Variants in PACRG observed in about 807,000 individuals in gnomAD.
PACRG encodes the protein parkin coregulated.
A neutral mutation model predicts 29.7 loss-of-function variants in PACRG; 29 were observed. The observed-to-expected ratio is 0.98, with a 90% CI of 0.73 to 1.33. PACRG has a LOEUF of 1.33. Ranked by LOEUF, PACRG falls within the 40% of genes most tolerant of loss-of-function variation. PACRG has a pLI of 0.00. For synonymous variants in PACRG, 116 were observed against 118.7 expected, an observed-to-expected ratio of 0.98 and a Z score of 0.15; for missense variants, 279 against 316.2, an observed-to-expected ratio of 0.88 and a Z score of 0.89.
At chr6:162,968,417 T>C (rs144832235) in intron 2 of PACRG, among the ~76,000 whole-genome samples, 2 of 152,338 alleles carry the variant, frequency 1.3e-5, no homozygotes, top group African/African-American at 4.8e-5. Flanking sequence ...ACTGAAATAT[T>C]GTGAGAGTTA....
intron 2 of PACRG, among the ~76,000 whole-genome samples, chr6:162,947,033 A>C (rs1799063092): frequency 6.6e-6 from 1 of 151,866 alleles, no homozygotes; most frequent in Non-Finnish European, 1.5e-5. Context: ...CTAAATGGGC[A>C]AAAGCTGGAA....
At chr6:162,734,732 C>T (rs541012765) in intron 1 of PACRG, among the ~76,000 whole-genome samples, 50 of 152,236 alleles carry the variant, frequency 3.3e-4, no homozygotes, top group African/African-American at 1.0e-3. Flanking sequence ...AAGGATAGAG[C>T]AAGGACTGGA....
chr6:163,298,649 T>C (rs1161210654), intron 4 of PACRG, among the ~76,000 whole-genome samples: 1 of 152,232 alleles, frequency 6.6e-6, no homozygotes, highest in Non-Finnish European at 1.5e-5. Context: ...TTAATGTCTC[T>C]AGCCAAAGAA....
At chr6:162,903,695 G>T (rs9295205) in intron 2 of PACRG, among the ~76,000 whole-genome samples, 3 of 152,000 alleles carry the variant, frequency 2.0e-5, no homozygotes, top group Non-Finnish European at 2.9e-5. Flanking sequence ...TGAGATTCGG[G>T]TGGAGACACA....
chr6:163,217,720 C>T (rs1026312750), intron 4 of PACRG, among the ~76,000 whole-genome samples: 2 of 152,084 alleles, frequency 1.3e-5, no homozygotes, highest in African/African-American at 4.8e-5. Context: ...ATTGGATTCT[C>T]ACAGGAGTGT....
intron 2 of PACRG, among the ~76,000 whole-genome samples, chr6:162,895,580 CA>C (rs1795108045): frequency 6.6e-6 from 1 of 152,216 alleles, no homozygotes; most frequent in South Asian, 2.1e-4. Context: ...CCGATCTTGA[CA>C]GTAATGCCTA....
intron 1 of PACRG, among the ~76,000 whole-genome samples, chr6:162,735,724 T>C (rs147031574): frequency 1.7e-4 from 26 of 152,312 alleles, no homozygotes; most frequent in Middle Eastern, 6.8e-3. Flanking sequence ...ATAATGGCTT[T>C]TATTGCTCTT....
At chr6:163,007,260 T>C (rs766552255) in intron 2 of PACRG, among the ~76,000 whole-genome samples, 3 of 152,200 alleles carry the variant, frequency 2.0e-5, no homozygotes, top group Non-Finnish European at 4.4e-5. Flanking sequence ...TTATAGATCC[T>C]ACAATACATT....
intron 1 of PACRG, among the ~76,000 whole-genome samples, chr6:162,734,918 A>C (rs1780048524): frequency 5.3e-5 from 8 of 152,272 alleles, no homozygotes; most frequent in Admixed American, 5.2e-4. Flanking sequence ...CCACATGCTA[A>C]CCTTCTTCTG....
chr6:163,175,967 A>G (rs561218506), intron 4 of PACRG, among the ~76,000 whole-genome samples: 1 of 152,346 alleles, frequency 6.6e-6, no homozygotes, highest in South Asian at 2.1e-4. Context: ...TCTCTGGTGC[A>G]TAGCCCAGGT....
intron 4 of PACRG, among the ~76,000 whole-genome samples, chr6:163,213,043 G>T (rs1236227154): frequency 8.5e-5 from 13 of 152,206 alleles, no homozygotes; most frequent in African/African-American, 3.1e-4. Flanking sequence ...CTCCCAAAGT[G>T]CTGGGATTAC....
chr6:163,136,675 A>C (rs1585255491), intron 4 of PACRG, among the ~76,000 whole-genome samples: 1 of 152,158 alleles, frequency 6.6e-6, no homozygotes, highest in Non-Finnish European at 1.5e-5. Context: ...TCTTAAATTT[A>C]TTCATAGTTA....
intron 1 of PACRG, among the ~76,000 whole-genome samples, chr6:162,742,766 T>C (rs1275053147): frequency 6.6e-6 from 1 of 152,140 alleles, no homozygotes; most frequent in Non-Finnish European, 1.5e-5. Context: ...TTTCCATACC[T>C]TGGCTCTTGT....
chr6:162,731,831 G>A (rs1315397015), intron 1 of PACRG, among the ~76,000 whole-genome samples: 1 of 151,958 alleles, frequency 6.6e-6, no homozygotes, highest in Non-Finnish European at 1.5e-5. Flanking sequence ...CTGTAACACT[G>A]ACCAAATAAC....
rs1434047487 is a variant in PACRG at position 162,747,442 on chromosome 6, A to G, written c.156+19051A>G. On this transcript the variant is annotated intron_variant, in intron 1 of 4. Coordinates refer to ENST00000366888, the MANE Select transcript of PACRG (RefSeq NM_001080379.2). ...ACTATAAATATATATGTAAAACTAT[A>G]TATATATATAACTATAAATATATAT... Among the ~76,000 whole-genome samples the G allele has an allele frequency of 3.3e-5, 4 of 122,182 alleles. No homozygotes were observed. In the East Asian group the frequency reaches 9.5e-4, roughly 29 times the overall value. The allele number at this position is 122,182 out of a possible 152,430, so 80.2% of individuals were successfully genotyped here.
At chr6:163,173,392 G>A (rs56094349) in intron 4 of PACRG, among the ~76,000 whole-genome samples, 20,186 of 152,158 alleles carry the variant, frequency 0.13, 1,775 homozygotes, top group African/African-American at 0.25. Context: ...GGCTCCTTGG[G>A]GTAGAGACCT....
chr6:163,243,094 T>C (rs139505626), intron 4 of PACRG, among the ~76,000 whole-genome samples: 10 of 152,390 alleles, frequency 6.6e-5, no homozygotes, highest in Non-Finnish European at 1.5e-4. Flanking sequence ...ATGACCCGCA[T>C]TGGACTTTTC....
intron 4 of PACRG, among the ~76,000 whole-genome samples, chr6:163,275,066 G>T (rs147031269): frequency 0.011 from 1,687 of 151,514 alleles, 32 homozygotes; most frequent in African/African-American, 0.039. Flanking sequence ...TAGAGACGGG[G>T]TTTCACCATT....
chr6:163,076,202 G>C (rs1009104684), intron 3 of PACRG, among the ~76,000 whole-genome samples: 1 of 152,172 alleles, frequency 6.6e-6, no homozygotes, highest in Non-Finnish European at 1.5e-5. Context: ...CTTCTCTGTG[G>C]TGGACAACAG....
Sources: allele counts gnomAD v4.1 joint callset (sites outside exome capture counted in the v4.1 genomes callset), GRCh38; gene constraint gnomAD v4.1.1; transcripts MANE v1.5; gene names NCBI Gene and HGNC (gene_info 2026-07-23, HGNC 2026-07-21).